PRKACB: variants seen among roughly 807,000 people sequenced by gnomAD.
PRKACB encodes cAMP-dependent protein kinase catalytic subunit beta.
Under a neutral mutation model 51.4 loss-of-function variants are expected in PRKACB, and 16 were observed. That is an observed-to-expected ratio of 0.31 (90% CI 0.21 to 0.47). The LOEUF (loss-of-function observed/expected upper bound fraction) is 0.47, where lower values mean the gene tolerates loss of function less well. PRKACB is among the 20% of genes least tolerant of loss of function. PRKACB has a pLI of 1.00. For missense variants in PRKACB, 309 were observed against 464.5 expected, an observed-to-expected ratio of 0.67 and a Z score of 3.08; for synonymous variants, 147 against 154.4, an observed-to-expected ratio of 0.95 and a Z score of 0.35.
At chr1:84,171,978 C>T (rs1461732906) in intron 1 of PRKACB, among the ~76,000 whole-genome samples, 1 of 151,680 alleles carries the variant, frequency 6.6e-6, no homozygotes, top group East Asian at 1.9e-4. Flanking sequence ...GTAATAAGAC[C>T]TTTAAGGGAA....
At chr1:84,228,393 T>A (rs1479064523) in intron 9 of PRKACB, among the ~76,000 whole-genome samples, 1 of 152,226 alleles carries the variant, frequency 6.6e-6, no homozygotes, top group Non-Finnish European at 1.5e-5. Flanking sequence ...GTCAATCGAC[T>A]CTTTTATAAT....
intron 1 of PRKACB, chr1:84,086,075 A>G: frequency 8.2e-7 from 1 of 1,222,168 alleles, no homozygotes; most frequent in African/African-American, 1.5e-5. Context: ...GCTGATGGCC[A>G]AGGTGTATAT....
At chr1:84,128,689 A>G (rs904114754) in intron 1 of PRKACB, among the ~76,000 whole-genome samples, 4 of 152,338 alleles carry the variant, frequency 2.6e-5, no homozygotes, top group South Asian at 4.1e-4. Context: ...AACTAGTGAT[A>G]TAGTCAGGGA....
At chr1:84,209,782 A>T (rs1671864455) in intron 8 of PRKACB, among the ~76,000 whole-genome samples, 1 of 152,210 alleles carries the variant, frequency 6.6e-6, no homozygotes, top group South Asian at 2.1e-4. Flanking sequence ...AGAAATCTTC[A>T]TCTTATTTTG....
intron 1 of PRKACB, among the ~76,000 whole-genome samples, chr1:84,084,899 C>T (rs915351418): frequency 1.1e-4 from 16 of 152,136 alleles, no homozygotes; most frequent in Non-Finnish European, 1.2e-4. Context: ...TTTTATCTCC[C>T]AGCCATGGGG....
intron 1 of PRKACB, among the ~76,000 whole-genome samples, chr1:84,175,425 GACT>G (rs1558113855): frequency 1.3e-5 from 2 of 151,590 alleles, no homozygotes; most frequent in Non-Finnish European, 3.0e-5. Context: ...GGTATACTGT[GACT>G]AACAACATAC....
chr1:84,193,303 A>G lies in PRKACB; in HGVS notation c.561-3313A>G, dbSNP rs1173962224. Among the ~76,000 whole-genome samples the G allele has an allele frequency of 1.3e-5, 2 of 152,162 alleles. 1 individual carries two copies. The highest frequency in any genetic ancestry group is 4.1e-4 in the South Asian group (2 of 4,822). On this transcript the variant is annotated intron_variant, in intron 5 of 9. Transcript: ENST00000370685. ...GAAAGGGCTCCAATGGGGGTACTTC[A>G]TGCTGTAGTTCCCAGGGCCAGTGAT...
chr1:84,179,056 T>G, intron 1 of PRKACB, 121 bp from the exon 2 acceptor site: 1 of 1,151,810 alleles, frequency 8.7e-7, no homozygotes, highest in Non-Finnish European at 1.2e-6. Flanking sequence ...TAAATATACA[T>G]TTTATCACAA....
At chr1:84,140,318 A>G (rs941998512), upstream of PRKACB, among the ~76,000 whole-genome samples, 1 of 152,238 alleles carries the variant, frequency 6.6e-6, no homozygotes, top group Non-Finnish European at 1.5e-5. Flanking sequence ...CATATAAATG[A>G]GTGAATATTA....
At chr1:84,212,883 T>G (rs1672338018) in intron 8 of PRKACB, among the ~76,000 whole-genome samples, 1 of 152,094 alleles carries the variant, frequency 6.6e-6, no homozygotes, top group Non-Finnish European at 1.5e-5. Flanking sequence ...CACAATACCT[T>G]CCCTCAGAAG....
chr1:84,115,197 G>C (rs1164977883), intron 1 of PRKACB, among the ~76,000 whole-genome samples: 1 of 150,634 alleles, frequency 6.6e-6, no homozygotes, highest in Non-Finnish European at 1.5e-5. Flanking sequence ...GCCAATATCT[G>C]CTACTTTTTT....
intron 1 of PRKACB, among the ~76,000 whole-genome samples, chr1:84,175,222 T>A (rs1434401195): frequency 6.6e-6 from 1 of 151,804 alleles, no homozygotes; most frequent in Non-Finnish European, 1.5e-5. Flanking sequence ...TTGGGTTTTA[T>A]CTATATAAAT....
At chr1:84,205,934 T>C (rs1187873751) in intron 8 of PRKACB, among the ~76,000 whole-genome samples, 1 of 152,170 alleles carries the variant, frequency 6.6e-6, no homozygotes, top group African/African-American at 2.4e-5. Flanking sequence ...ATCCTAACAA[T>C]ACATATGCTG....
intron 3 of PRKACB, among the ~76,000 whole-genome samples, chr1:84,183,701 T>A (rs1558159268): frequency 6.6e-6 from 1 of 151,814 alleles, no homozygotes; most frequent in Non-Finnish European, 1.5e-5. Context: ...TATTTAAGCA[T>A]AATTGACATA....
intron 1 of PRKACB, among the ~76,000 whole-genome samples, chr1:84,174,641 G>A (rs1212299024): frequency 6.6e-6 from 1 of 151,864 alleles, no homozygotes; most frequent in African/African-American, 2.4e-5. Flanking sequence ...GAAACCAGGT[G>A]TTATAATGCG....
chr1:84,151,246 C>CAAT (rs1278436215), intron 1 of PRKACB, among the ~76,000 whole-genome samples: 2 of 152,074 alleles, frequency 1.3e-5, no homozygotes, highest in Non-Finnish European at 2.9e-5. Context: ...ATTCAGTGTG[C>CAAT]AATAACATTA....
chr1:84,133,199 C>A lies in PRKACB; in HGVS notation c.47-45978C>A, dbSNP rs111829792. On this transcript the variant is annotated intron_variant, in intron 1 of 8. Coordinates refer to the PRKACB transcript ENST00000370688. ...AAGAATTATGGCAGACTTCTCATCA[C>A]CATGCAAGCAAGAAAAGAGTAGAGT... 4.2e-3 allele frequency among the ~76,000 whole-genome samples: 636 copies of A among 152,134 alleles called. 4 individuals are homozygous for A. Among genetic ancestry groups the A allele is most frequent in the African/African-American group, 0.014 (602 of 41,532 alleles).
rs544833636 is a variant in PRKACB, at chr1:84,170,910, C to T, written c.188-8267C>T. On this transcript the variant is annotated intron_variant, in intron 1 of 9. Coordinates refer to ENST00000370685, the MANE Select transcript of PRKACB (RefSeq NM_182948.4). The stretch of plus-strand genomic sequence containing the variant: ...ATTCTTACCCAGTAATTGAAGAATA[C>T]ATAGGAATATGTAGAACACTTACAA... 2.3e-4 allele frequency among the ~76,000 whole-genome samples: 35 copies of T among 151,486 alleles called. 1 individual carries two copies. In the South Asian group the frequency reaches 7.1e-3, roughly 31 times the overall value.
intron 1 of PRKACB, among the ~76,000 whole-genome samples, chr1:84,150,987 TACA>T (rs1654791664): frequency 6.6e-6 from 1 of 152,206 alleles, no homozygotes. Context: ...ATTTATAATG[TACA>T]ACATGATGGT....
Sources: allele counts gnomAD v4.1 joint callset (sites outside exome capture counted in the v4.1 genomes callset), GRCh38; gene constraint gnomAD v4.1.1; transcripts MANE v1.5; gene names NCBI Gene and HGNC (gene_info 2026-07-23, HGNC 2026-07-21).